Variants in PARN observed in about 807,000 individuals in gnomAD.
PARN encodes poly(A)-specific ribonuclease.
In PARN, 71 loss-of-function variants were observed where a neutral mutation model predicts 102.8. The ratio of observed to expected loss-of-function variants is 0.69; its 90% CI spans 0.57 to 0.84. The LOEUF (loss-of-function observed/expected upper bound fraction) is 0.84. PARN is among the 40% of genes least tolerant of loss of function. The probability of loss-of-function intolerance (pLI) is 0.00; values close to 1 mark genes in which losing one functional copy is unlikely to be tolerated. For synonymous variants in PARN, 261 were observed against 252.9 expected, an observed-to-expected ratio of 1.03 and a Z score of -0.30; for missense variants, 782 against 760.9, an observed-to-expected ratio of 1.03 and a Z score of -0.33.
chr16:14,590,274 GAA>G (rs1212064093), intron 13 of PARN, among the ~76,000 whole-genome samples: 10 of 69,236 alleles, frequency 1.4e-4, no homozygotes, highest in African/African-American at 5.4e-4. Flanking sequence ...AAAGAGAAGA[GAA>G]AAAAAAAAAA....
At chr16:14,550,650 G>A (rs1303814528) in intron 21 of PARN, among the ~76,000 whole-genome samples, 1 of 152,114 alleles carries the variant, frequency 6.6e-6, no homozygotes, top group South Asian at 2.1e-4. Flanking sequence ...ATCTGAATTT[G>A]TATATTTGCA....
chr16:14,597,304 A>C (rs1415572799), intron 12 of PARN, among the ~76,000 whole-genome samples: 2 of 152,206 alleles, frequency 1.3e-5, no homozygotes, highest in African/African-American at 4.8e-5. Flanking sequence ...CTATATAGTT[A>C]ATTTAACTAT....
Position 14,507,676 on chromosome 16 carries a change from G to GA in PARN, c.1481-24850dup, listed in dbSNP as rs796529838. Among the ~76,000 whole-genome samples, 734 of 146,908 alleles carry GA rather than the reference G, an allele frequency of 5.0e-3. 9 individuals are homozygous for GA. Among genetic ancestry groups the GA allele is most frequent in the African/African-American group, 0.017 (671 of 40,170 alleles). On this transcript the variant is annotated intron_variant, in intron 21 of 23. Coordinates refer to ENST00000437198, the MANE Select transcript of PARN (RefSeq NM_002582.4). ...TGCACTCCAGCCTGGGTGACAGGGG[G>GA]AAAAAAAAAAGAGGCCAAGTGAAAT...
chr16:14,610,667 T>G lies in PARN; in HGVS notation c.531A>C (p.Gln177His). 6.2e-7 allele frequency: 1 copy of G among 1,610,754 alleles called. No individual in the cohort carries two copies. The highest frequency in any genetic ancestry group is 1.3e-5 in the African/African-American group (1 of 74,962). ...ACACCACTTGGTCAATAAACTTCTTTTGATCCTCAGGAATCGTGACAGGAC... is the reference window on the plus strand; with the variant it reads ...ACACCACTTGGTCAATAAACTTCTTGTGATCCTCAGGAATCGTGACAGGAC... ...SKCPVTIPED[Q>H]KKFIDQVVEK... is the part of the protein sequence containing the mutation. The change falls in exon 7 of 24, where the codon CAA (glutamine) becomes CAC (histidine). Residue 177 changes from glutamine to histidine, a missense_variant. Coordinates refer to ENST00000437198, the MANE Select transcript of PARN (RefSeq NM_002582.4).
chr16:14,445,007 T>C (rs1448775494), intron 23 of PARN, among the ~76,000 whole-genome samples: 1 of 147,638 alleles, frequency 6.8e-6, no homozygotes, highest in African/African-American at 2.5e-5. Flanking sequence ...TTTTTTTTTT[T>C]TGTAGAGAAA....
intron 22 of PARN, among the ~76,000 whole-genome samples, chr16:14,474,936 T>C (rs1008269115): frequency 6.6e-6 from 1 of 152,254 alleles, no homozygotes; most frequent in Admixed American, 6.5e-5. Context: ...CACCTTCTAA[T>C]GTAATACATA....
chr16:14,537,625 T>C (rs1481696060), intron 21 of PARN, among the ~76,000 whole-genome samples: 1 of 152,192 alleles, frequency 6.6e-6, no homozygotes, highest in Non-Finnish European at 1.5e-5. Context: ...AATTCTGTCA[T>C]TTATGGCAAC....
intron 23 of PARN, among the ~76,000 whole-genome samples, chr16:14,445,082 C>A (rs1368852151): frequency 6.7e-6 from 1 of 148,314 alleles, no homozygotes; most frequent in Non-Finnish European, 1.5e-5. Context: ...CCTGCTTCAG[C>A]TTCCCAGAGT....
At position 14,526,780 on chromosome 16, in the gene PARN, C is replaced by T. The variant is rs527275783; in HGVS notation, c.1480+25241G>A. The stretch of plus-strand genomic sequence containing the variant: ...ACTATCCAGTACTTGGAGCCGTCCA[C>T]GGTCACTGTGCCAGGGTTAAAGTTG... On this transcript the variant is annotated intron_variant, in intron 21 of 23. Coordinates refer to ENST00000437198, the MANE Select transcript of PARN (RefSeq NM_002582.4). Among the ~76,000 whole-genome samples, 32 of 152,348 alleles carry T rather than the reference C, an allele frequency of 2.1e-4. 2 individuals are homozygous for T. Among genetic ancestry groups the T allele is most frequent in the Admixed American group, 1.8e-3 (28 of 15,300 alleles).
chr16:14,452,544 C>G (rs1366884656), intron 22 of PARN, among the ~76,000 whole-genome samples: 1 of 152,148 alleles, frequency 6.6e-6, no homozygotes, highest in Non-Finnish European at 1.5e-5. Context: ...ACCATGTTGG[C>G]CAGGCTGGTC....
chr16:14,539,860 T>C (rs1393216897), intron 21 of PARN, among the ~76,000 whole-genome samples: 1 of 152,232 alleles, frequency 6.6e-6, no homozygotes, highest in Non-Finnish European at 1.5e-5. Context: ...GGGAAAAAAT[T>C]GCGTCTGTAC....
At chr16:14,497,226 C>T (rs1034433106) in intron 21 of PARN, among the ~76,000 whole-genome samples, 1 of 151,862 alleles carries the variant, frequency 6.6e-6, no homozygotes, top group African/African-American at 2.4e-5. Context: ...CAAGCCCTGC[C>T]TGACCTGAAC....
intron 18 of PARN, among the ~76,000 whole-genome samples, chr16:14,563,714 T>A (rs1306049752): frequency 6.6e-6 from 1 of 151,044 alleles, no homozygotes; most frequent in Non-Finnish European, 1.5e-5. Context: ...TTTTTTTTTT[T>A]AGTTATACAA....
intron 21 of PARN, among the ~76,000 whole-genome samples, chr16:14,504,342 G>A (rs1009250771): frequency 1.3e-5 from 2 of 152,086 alleles, no homozygotes; most frequent in African/African-American, 4.8e-5. Context: ...GGTGAATCAC[G>A]AGGTCAGGAG....
intron 21 of PARN, among the ~76,000 whole-genome samples, chr16:14,524,168 T>C (rs2151657020): frequency 6.6e-6 from 1 of 152,352 alleles, no homozygotes. Flanking sequence ...CTCACTTTTC[T>C]TACCCTAAGA....
intron 5 of PARN, among the ~76,000 whole-genome samples, chr16:14,622,658 C>T (rs976779518): frequency 2.0e-5 from 3 of 152,228 alleles, no homozygotes; most frequent in African/African-American, 7.2e-5. Flanking sequence ...GCGCCCGCCC[C>T]CACGCCTGGC....
At chr16:14,581,713 A>T (rs1969545032) in intron 17 of PARN, among the ~76,000 whole-genome samples, 1 of 152,050 alleles carries the variant, frequency 6.6e-6, no homozygotes, top group South Asian at 2.1e-4. Context: ...TGAGCCCAGA[A>T]ATTCTAGATC....
chr16:14,493,661 G>A (rs1364686902), intron 21 of PARN, among the ~76,000 whole-genome samples: 2 of 152,218 alleles, frequency 1.3e-5, no homozygotes. Flanking sequence ...CAGGTATCTA[G>A]GTGGGAAATG....
intron 21 of PARN, among the ~76,000 whole-genome samples, chr16:14,524,650 T>C (rs1386463531): frequency 6.6e-6 from 1 of 152,206 alleles, no homozygotes; most frequent in Non-Finnish European, 1.5e-5. Context: ...TTATCTCCAC[T>C]AGAATATAAT....
Sources: allele counts gnomAD v4.1 joint callset (sites outside exome capture counted in the v4.1 genomes callset), GRCh38; gene constraint gnomAD v4.1.1; transcripts MANE v1.5; gene names NCBI Gene and HGNC (gene_info 2026-07-23, HGNC 2026-07-21).